Variants in ITGB8 observed in about 807,000 individuals in gnomAD.
ITGB8 encodes integrin beta-8.
A neutral mutation model predicts 89.5 loss-of-function variants in ITGB8; 30 were observed. That is an observed-to-expected ratio of 0.34 (90% confidence interval 0.25 to 0.45). The LOEUF is 0.45. ITGB8 is among the 20% of genes least tolerant of loss of function. The pLI is 1.00. For synonymous variants in ITGB8, 335 were observed against 320.4 expected (o/e 1.05, Z -0.49); for missense variants, 836 against 933.3 (o/e 0.90, Z 1.36).
At chr7:20,336,808 G>A (rs527528611) in intron 1 of ITGB8, among the ~76,000 whole-genome samples, 1 of 152,288 alleles carries the variant, frequency 6.6e-6, no homozygotes, top group African/African-American at 2.4e-5. Flanking sequence ...TGTGTCCAAT[G>A]CTTGGTACAC....
intron 3 of ITGB8, among the ~76,000 whole-genome samples, chr7:20,368,928 G>T (rs1377689244): frequency 6.6e-6 from 1 of 151,764 alleles, no homozygotes; most frequent in African/African-American, 2.4e-5. Flanking sequence ...TATAATCTAG[G>T]GCCTTTCCCA....
intron 4 of ITGB8, 85 bp from the exon 5 acceptor site, chr7:20,380,581 C>T (rs1363286939): frequency 1.8e-6 from 2 of 1,120,428 alleles, no homozygotes; most frequent in African/African-American, 3.1e-5. Context: ...TCCCTTTTCA[C>T]ACAACTGTAC....
intron 1 of ITGB8, among the ~76,000 whole-genome samples, chr7:20,335,601 C>T (rs1046318638): frequency 1.3e-5 from 2 of 152,158 alleles, no homozygotes; most frequent in African/African-American, 2.4e-5. Context: ...ACCTTTTTAT[C>T]TCCTATTTTT....
At chr7:20,345,882 T>C (rs1456734819) in intron 1 of ITGB8, among the ~76,000 whole-genome samples, 2 of 152,152 alleles carry the variant, frequency 1.3e-5, no homozygotes, top group African/African-American at 4.8e-5. Context: ...TGATGCATCT[T>C]GTATTGCAAA....
At chr7:20,342,559 A>G (rs1276904224) in intron 1 of ITGB8, among the ~76,000 whole-genome samples, 1 of 152,218 alleles carries the variant, frequency 6.6e-6, no homozygotes, top group East Asian at 1.9e-4. Context: ...TCTTCCATCC[A>G]AAAGATCTCA....
At chr7:20,383,697 A>G (rs927343313) in intron 6 of ITGB8, among the ~76,000 whole-genome samples, 1 of 152,194 alleles carries the variant, frequency 6.6e-6, no homozygotes, top group African/African-American at 2.4e-5. Context: ...AATTTTAGGC[A>G]TATACCATGT....
rs1353397379 is a variant in ITGB8 at position 20,387,870 on chromosome 7, G to GTC, written c.961-3531_961-3530dup. ...TTGAAAGTTTCATCTCTAAATAAATGTCTGCTATCTGATTACTTCTATGCT... is the reference window on the plus strand; with the variant it reads ...TTGAAAGTTTCATCTCTAAATAAATGTCTCTGCTATCTGATTACTTCTATGCT... On this transcript the variant is annotated intron_variant, in intron 6 of 13. Transcript: ENST00000222573. Among the ~76,000 whole-genome samples the GTC allele has an allele frequency of 2.6e-5, 4 of 152,128 alleles. No homozygotes were observed. The East Asian group carries it at 7.7e-4, about 29-fold the overall frequency.
chr7:20,383,711 A>G (rs1197330111), intron 6 of ITGB8, among the ~76,000 whole-genome samples: 2 of 152,176 alleles, frequency 1.3e-5, no homozygotes, highest in East Asian at 3.8e-4. Context: ...ACCATGTTAT[A>G]GAACCTTATG....
chr7:20,381,591 A>C, intron 5 of ITGB8, 136 bp from the exon 6 acceptor site: 1 of 600,060 alleles, frequency 1.7e-6, no homozygotes, highest in East Asian at 2.9e-5. Flanking sequence ...CTATTTACGC[A>C]GCAGCGTTGT....
chr7:20,374,089 G>A (rs1052964585), intron 3 of ITGB8, among the ~76,000 whole-genome samples: 2 of 152,082 alleles, frequency 1.3e-5, no homozygotes, highest in Non-Finnish European at 2.9e-5. Flanking sequence ...ATCTCAAAAG[G>A]CATGAGGATA....
rs936303634 is a variant in ITGB8, at chr7:20,414,901, A to T, written c.*4904A>T. On this transcript the variant is annotated 3_prime_UTR_variant, in exon 14 of 14. Coordinates refer to ENST00000222573, the MANE Select transcript of ITGB8 (RefSeq NM_002214.3). Reference sequence around the variant, plus strand: ...TCTTCTAGCCTCTGCAACCTACTTCAGTTAGAATTGTCTAATACTGCTCTA... The same window carrying T: ...TCTTCTAGCCTCTGCAACCTACTTCTGTTAGAATTGTCTAATACTGCTCTA... 6.6e-6 allele frequency: 1 copy of T among 152,564 alleles called. No homozygotes were observed. Among genetic ancestry groups the T allele is most frequent in the Non-Finnish European group, 1.5e-5 (1 of 67,980 alleles). The allele number at this position is 152,564 out of a possible 1,614,324, so 9.5% of individuals were successfully genotyped here.
At chr7:20,381,495 C>T in intron 5 of ITGB8, 1 of 407,686 alleles carries the variant, frequency 2.5e-6, no homozygotes, top group Non-Finnish European at 4.4e-6. Context: ...GTTCTTCCTC[C>T]AGTGGAACAC....
At chr7:20,379,356 TG>T (rs777698473) in intron 4 of ITGB8, 59 bp downstream of exon 4, 1 of 1,195,862 alleles carries the variant, frequency 8.4e-7, no homozygotes, top group Non-Finnish European at 1.1e-6. Context: ...AATCTCACTT[TG>T]TTTTTAATGT....
At position 20,331,828 on chromosome 7, in the gene ITGB8, T is replaced by A; in HGVS notation, c.22T>A (p.Phe8Ile). The A allele has an allele frequency of 6.2e-7, 1 of 1,613,370 alleles. No individual in the cohort carries two copies. The highest frequency in any genetic ancestry group is 1.1e-5 in the South Asian group (1 of 91,042). Residue 8 changes from phenylalanine to isoleucine, a missense_variant, in exon 1 of 14, where the codon TTT becomes ATT. Phe to Ile is a conservative substitution (Grantham distance 21). Transcript: ENST00000222573. ...CATTATGTGCGGCTCGGCCCTGGCT[T>A]TTTTTACCGCTGCATTTGTCTGCCT... The part of the protein sequence containing the change: MCGSALA[F>I]FTAAFVCLQN...
Position 20,339,211 on chromosome 7 carries a change from A to G in ITGB8, c.127+7278A>G, listed in dbSNP as rs1018136483. On this transcript the variant is annotated intron_variant, in intron 1 of 13. Coordinates refer to ENST00000222573, the MANE Select transcript of ITGB8 (RefSeq NM_002214.3). Reference sequence around the variant, plus strand: ...ATCTCGAAAAAAAAAAAAAAAAACAACTTAGGAAAGAACATTTTACTGACA... The same window carrying G: ...ATCTCGAAAAAAAAAAAAAAAAACAGCTTAGGAAAGAACATTTTACTGACA... Among the ~76,000 whole-genome samples the G allele has an allele frequency of 4.9e-4, 74 of 150,260 alleles. 1 individual carries two copies. Among genetic ancestry groups the G allele is most frequent in the Middle Eastern group, 3.4e-3 (1 of 292 alleles).
chr7:20,339,673 A>G (rs753290016), intron 1 of ITGB8, among the ~76,000 whole-genome samples: 1 of 152,222 alleles, frequency 6.6e-6, no homozygotes, highest in Non-Finnish European at 1.5e-5. Flanking sequence ...TATCAGATAT[A>G]TACTTTTAAG....
At chr7:20,335,300 GAC>G (rs1583460781) in intron 1 of ITGB8, among the ~76,000 whole-genome samples, 1 of 152,190 alleles carries the variant, frequency 6.6e-6, no homozygotes, top group Admixed American at 6.5e-5. Context: ...GAATGGGAAA[GAC>G]ACAGTTTCAA....
At chr7:20,366,870 C>G in intron 2 of ITGB8, 142 bp from the exon 3 acceptor site, 1 of 581,952 alleles carries the variant, frequency 1.7e-6, no homozygotes, top group Non-Finnish European at 2.9e-6. Context: ...TTGTGTTTTT[C>G]TTGTAGAAAT....
intron 6 of ITGB8, among the ~76,000 whole-genome samples, chr7:20,390,027 G>A (rs914590470): frequency 2.0e-5 from 3 of 152,134 alleles, no homozygotes; most frequent in African/African-American, 7.2e-5. Flanking sequence ...GAGAAATAAA[G>A]TGTTATTTGT....
Sources: gnomAD v4.1 joint callset for allele counts (sites outside exome capture counted in the v4.1 genomes callset) on GRCh38, gnomAD v4.1.1 for gene constraint, MANE v1.5 for transcripts, NCBI Gene and HGNC (gene_info 2026-07-23, HGNC 2026-07-21) for gene names.